RXRG: variants seen among roughly 807,000 people sequenced by gnomAD.
The protein encoded by RXRG is retinoid X receptor gamma, also known as retinoic acid receptor RXR-gamma.
Under a neutral mutation model 49.2 loss-of-function variants are expected in RXRG, and 19 were observed. That is an observed-to-expected ratio of 0.39 (90% confidence interval 0.27 to 0.57). RXRG has a LOEUF of 0.57. Ranked by LOEUF, RXRG falls within the 20% of genes least tolerant of loss-of-function variation. The probability of loss-of-function intolerance (pLI) is 0.64; values close to 1 mark genes in which losing one functional copy is unlikely to be tolerated. For synonymous variants in RXRG, 224 were observed against 216.6 expected, an observed-to-expected ratio of 1.03 and a Z score of -0.30; for missense variants, 452 against 592.5, an observed-to-expected ratio of 0.76 and a Z score of 2.46.
intron 1 of RXRG, among the ~76,000 whole-genome samples, chr1:165,433,362 A>G (rs3820366): frequency 0.047 from 7,104 of 152,226 alleles, 257 homozygotes; most frequent in East Asian, 0.16. Context: ...CTCTCAGCCC[A>G]ATTCACTCTG....
At chr1:165,427,404 GTTTTGTTT>G in intron 2 of RXRG, among the ~76,000 whole-genome samples, 1 of 6,540 alleles carries the variant, frequency 1.5e-4, no homozygotes, top group African/African-American at 4.6e-4. Context: ...TCTGTCATAT[GTTTTGTTT>G]TGTTTTGTTT....
intron 1 of RXRG, among the ~76,000 whole-genome samples, chr1:165,432,221 G>C (rs1437184551): frequency 6.6e-6 from 1 of 152,144 alleles, no homozygotes; most frequent in Non-Finnish European, 1.5e-5. Flanking sequence ...TGGTGAGAAT[G>C]GTACATTGTT....
intron 1 of RXRG, among the ~76,000 whole-genome samples, chr1:165,435,430 C>T (rs558989625): frequency 3.3e-5 from 5 of 152,114 alleles, no homozygotes; most frequent in African/African-American, 4.8e-5. Context: ...GCCCAAGACC[C>T]GCTAGCTGGT....
intron 2 of RXRG, among the ~76,000 whole-genome samples, chr1:165,423,917 GCAAA>G (rs1220933735): frequency 6.6e-6 from 1 of 152,098 alleles, no homozygotes; most frequent in African/African-American, 2.4e-5. Context: ...CTATGAAAAT[GCAAA>G]CAGACTCAAG....
intron 4 of RXRG, among the ~76,000 whole-genome samples, chr1:165,411,595 A>G (rs930325791): frequency 1.3e-5 from 2 of 152,152 alleles, no homozygotes; most frequent in African/African-American, 4.8e-5. Flanking sequence ...CTTGAACACA[A>G]CATCACCTGA....
At chr1:165,406,984 T>C in intron 8 of RXRG, 67 bp from the exon 9 acceptor site, 1 of 1,179,570 alleles carries the variant, frequency 8.5e-7, no homozygotes, top group East Asian at 2.4e-5. Flanking sequence ...CCATTCTCTC[T>C]GGCCACTCTC....
intron 2 of RXRG, among the ~76,000 whole-genome samples, chr1:165,427,385 A>G (rs538677689): frequency 6.6e-6 from 1 of 151,808 alleles, no homozygotes; most frequent in African/African-American, 2.4e-5. Flanking sequence ...TGCCCCATCA[A>G]TGTTGGAATC....
Position 165,410,742 on chromosome 1 carries a change from A to G in RXRG, c.873T>C (p.Ser291=). ...TGACCTGGTCCTCCAAGGTGAGGTC[A>G]GAGAAGTGGGGAATACGCTTGGCCC... is the stretch of plus-strand genomic sequence containing the variant. The part of the protein sequence containing the change: ...VEWAKRIPHF[S]DLTLEDQVIL... The change falls in exon 6 of 10, where the codon TCT becomes TCC. Residue 291 remains serine (S), a synonymous_variant. Transcript: ENST00000359842. The G allele has an allele frequency of 2.5e-6, 4 of 1,614,128 alleles. No homozygotes were observed. The highest frequency in any genetic ancestry group is 3.4e-6 in the Non-Finnish European group (4 of 1,180,018).
intron 9 of RXRG, among the ~76,000 whole-genome samples, chr1:165,405,818 G>A (rs1267279351): frequency 6.6e-6 from 1 of 152,094 alleles, no homozygotes; most frequent in Non-Finnish European, 1.5e-5. Context: ...GCACCAAAGG[G>A]CCAAAACCCA....
intron 2 of RXRG, 138 bp downstream of exon 2, chr1:165,428,581 G>A (rs1323046135): frequency 1.0e-6 from 1 of 975,246 alleles, no homozygotes; most frequent in East Asian, 2.5e-5. Context: ...CCCTGCCTGA[G>A]GGACGTCTGC....
chr1:165,402,334 C>T (rs1657605605), intron 9 of RXRG, among the ~76,000 whole-genome samples: 1 of 152,212 alleles, frequency 6.6e-6, no homozygotes, highest in Non-Finnish European at 1.5e-5. Flanking sequence ...GATCCACCCA[C>T]CTCAGCCTCC....
intron 1 of RXRG, chr1:165,436,957 G>A (rs937041658): frequency 8.0e-6 from 9 of 1,132,018 alleles, no homozygotes; most frequent in Non-Finnish European, 9.9e-6. Flanking sequence ...AATTCAAAAA[G>A]CATTTACAAG....
chr1:165,435,794 G>A (rs1312765232), intron 1 of RXRG, among the ~76,000 whole-genome samples: 1 of 152,196 alleles, frequency 6.6e-6, no homozygotes, highest in Non-Finnish European at 1.5e-5. Flanking sequence ...ATTTTAATAT[G>A]TGAAACCCAA....
chr1:165,427,614 T>G (rs1658531166), intron 2 of RXRG, among the ~76,000 whole-genome samples: 5 of 152,150 alleles, frequency 3.3e-5, no homozygotes, highest in Non-Finnish European at 2.9e-5. Flanking sequence ...GGCTAATTTT[T>G]TGTATTTTTA....
chr1:165,417,240 A>G lies in RXRG; in HGVS notation c.443-20T>C. ...GCTTTCCTGGTTAGAAGAAAAGAAC[A>G]TTCCATAGATTGTTCTTGTGTTTAT... On this transcript the variant is annotated intron_variant, in intron 3 of 9. Coordinates refer to ENST00000359842, the MANE Select transcript of RXRG (RefSeq NM_006917.5). 6.3e-7 allele frequency: 1 copy of G among 1,577,346 alleles called. No individual in the cohort carries two copies. Among genetic ancestry groups the G allele is most frequent in the Non-Finnish European group, 8.6e-7 (1 of 1,158,826 alleles).
intron 9 of RXRG, 24 bp from the exon 10 acceptor site, chr1:165,401,434 AG>A (rs762313726): frequency 1.5e-5 from 24 of 1,612,576 alleles, no homozygotes; most frequent in Non-Finnish European, 2.0e-5. Context: ...AAGAGGCATC[AG>A]GGACAGGGAC....
At chr1:165,431,923 A>G (rs895403911) in intron 1 of RXRG, among the ~76,000 whole-genome samples, 73 of 152,344 alleles carry the variant, frequency 4.8e-4, no homozygotes, top group Non-Finnish European at 2.1e-4. Flanking sequence ...TTATAAAATT[A>G]TCTTCCTAAA....
chr1:165,444,129 G>T (rs1332168008), intron 1 of RXRG, among the ~76,000 whole-genome samples: 2 of 152,082 alleles, frequency 1.3e-5, no homozygotes, highest in African/African-American at 4.8e-5. Flanking sequence ...TGCCTGGCAC[G>T]GTGACTTGAA....
Position 165,428,792 on chromosome 1 carries a change from G to C in RXRG, c.224C>G (p.Ser75Cys). Residue 75 changes from serine to cysteine, a missense_variant, in exon 2 of 10, where the codon TCT (serine) becomes TGT (cysteine). Ser to Cys is a moderately radical substitution (Grantham distance 112, BLOSUM62 -1). This residue lies in a region of RXRG where 166 missense variants were observed against 151.7 expected (regional missense o/e 1.09). Transcript: ENST00000359842. ...TGCTCCTGAGGGTGGGCCCATGGCA[G>C]AGGTGATGACTCGATATGGAGAGCC... ...ALGSPYRVIT[S>C]AMGPPSGALA... The C allele has an allele frequency of 6.2e-7, 1 of 1,613,780 alleles. No homozygotes were observed. The highest frequency in any genetic ancestry group is 8.5e-7 in the Non-Finnish European group (1 of 1,179,722).
Sources: gnomAD v4.1 joint callset for allele counts (sites outside exome capture counted in the v4.1 genomes callset) on GRCh38, gnomAD v4.1.1 for gene constraint, gnomAD v4.1.1 regional missense constraint, MANE v1.5 for transcripts, NCBI Gene and HGNC (gene_info 2026-07-23, HGNC 2026-07-21) for gene names.